The following FTO variants were observed in gnomAD, a reference collection of about 807,000 sequenced individuals.
FTO encodes alpha-ketoglutarate-dependent dioxygenase FTO.
In FTO, 47 loss-of-function variants were observed where a neutral mutation model predicts 63.9. The observed-to-expected ratio is 0.74, with a 90% CI of 0.58 to 0.94. FTO has a LOEUF of 0.94. Ranked by LOEUF, FTO falls within the 40% of genes least tolerant of loss-of-function variation. The probability of loss-of-function intolerance (pLI) is 0.00; values close to 1 mark genes in which losing one functional copy is unlikely to be tolerated. For synonymous variants in FTO, 207 were observed against 224.4 expected, an observed-to-expected ratio of 0.92 and a Z score of 0.69; for missense variants, 562 against 618.1, an observed-to-expected ratio of 0.91 and a Z score of 0.96.
At chr16:54,067,985 T>A (rs184522695) in intron 8 of FTO, among the ~76,000 whole-genome samples, 1 of 152,148 alleles carries the variant, frequency 6.6e-6, no homozygotes, top group Non-Finnish European at 1.5e-5. Flanking sequence ...TTTTTTTTTT[T>A]CTTCCTCCTC....
At chr16:53,925,196 A>G (rs1274899772) in intron 7 of FTO, among the ~76,000 whole-genome samples, 2 of 152,248 alleles carry the variant, frequency 1.3e-5, no homozygotes, top group African/African-American at 4.8e-5. Context: ...CCAGCTGATA[A>G]CATCTTAAAC....
chr16:53,893,674 AAG>A (rs2081209728), intron 7 of FTO, among the ~76,000 whole-genome samples: 1 of 149,980 alleles, frequency 6.7e-6, no homozygotes, highest in South Asian at 2.1e-4. Context: ...AAAAAAAAAA[AAG>A]GTCAATTTGG....
chr16:53,760,282 C>A (rs2077035103), intron 1 of FTO, among the ~76,000 whole-genome samples: 1 of 142,398 alleles, frequency 7.0e-6, no homozygotes, highest in African/African-American at 2.7e-5. Flanking sequence ...CAGGGTCTCA[C>A]TTTGTCACCC....
At chr16:53,950,774 GAGGACCTCATGTT>G (rs917869718) in intron 8 of FTO, among the ~76,000 whole-genome samples, 3 of 152,200 alleles carry the variant, frequency 2.0e-5, no homozygotes, top group Non-Finnish European at 2.9e-5. Flanking sequence ...GGGGAATTAT[GAGGACCTCATGTT>G]AGGACCTCAG....
At chr16:53,909,846 G>A (rs900705358) in intron 7 of FTO, among the ~76,000 whole-genome samples, 1 of 152,000 alleles carries the variant, frequency 6.6e-6, no homozygotes, top group Non-Finnish European at 1.5e-5. Context: ...TTACAGGTGT[G>A]AGCCACCACG....
intron 1 of FTO, among the ~76,000 whole-genome samples, chr16:53,732,041 A>ATT (rs375814669): frequency 8.3e-4 from 82 of 98,572 alleles, no homozygotes; most frequent in East Asian, 3.7e-3. Context: ...TTGTGGCCTT[A>ATT]TTTTTTTTTT....
At chr16:53,849,783 G>T (rs1399120771) in intron 4 of FTO, among the ~76,000 whole-genome samples, 1 of 152,184 alleles carries the variant, frequency 6.6e-6, no homozygotes, top group East Asian at 1.9e-4. Context: ...GTAGCCCTGT[G>T]AGCAGGAAGA....
intron 8 of FTO, among the ~76,000 whole-genome samples, chr16:53,963,961 C>T (rs370890121): frequency 1.3e-5 from 2 of 152,186 alleles, no homozygotes; most frequent in African/African-American, 4.8e-5. Flanking sequence ...CCATGTTGAC[C>T]AGGCTGGTCT....
chr16:53,835,667 G>T (rs914161017), intron 3 of FTO, among the ~76,000 whole-genome samples: 1 of 151,944 alleles, frequency 6.6e-6, no homozygotes, highest in African/African-American at 2.4e-5. Flanking sequence ...CTGTCATTGT[G>T]TAGGGCTTTC....
chr16:53,790,491 AG>A (rs1331379431), intron 1 of FTO, among the ~76,000 whole-genome samples: 1 of 146,866 alleles, frequency 6.8e-6, no homozygotes, highest in Admixed American at 6.9e-5. Context: ...CTGAGGCAGG[AG>A]GATTGCTTGA....
At chr16:53,806,968 C>T (rs180998511) in intron 1 of FTO, among the ~76,000 whole-genome samples, 269 of 152,270 alleles carry the variant, frequency 1.8e-3, no homozygotes, top group Admixed American at 3.6e-3. Flanking sequence ...ATAGTGACCT[C>T]GCTTTTCATA....
chr16:53,710,326 C>T (rs1441241773), intron 1 of FTO, among the ~76,000 whole-genome samples: 10 of 145,812 alleles, frequency 6.9e-5, no homozygotes, highest in South Asian at 2.2e-4. Flanking sequence ...AGTGCAGTGG[C>T]GCGATCTCAG....
chr16:53,859,983 A>C (rs2080123949), intron 4 of FTO, among the ~76,000 whole-genome samples: 1 of 152,250 alleles, frequency 6.6e-6, no homozygotes, highest in Admixed American at 6.5e-5. Flanking sequence ...AGATATCTTC[A>C]TTCCCATGTT....
At chr16:54,016,420 T>A (rs2084451748) in intron 8 of FTO, among the ~76,000 whole-genome samples, 1 of 152,200 alleles carries the variant, frequency 6.6e-6, no homozygotes, top group Non-Finnish European at 1.5e-5. Flanking sequence ...ACCCCTCATT[T>A]AGGCTGCTTT....
intron 8 of FTO, among the ~76,000 whole-genome samples, chr16:54,055,592 T>G (rs1277626093): frequency 6.6e-6 from 1 of 152,256 alleles, no homozygotes; most frequent in Non-Finnish European, 1.5e-5. Context: ...TTTGCATGTT[T>G]ACCTCTGATC....
intron 3 of FTO, among the ~76,000 whole-genome samples, chr16:53,835,611 T>C (rs1445050149): frequency 1.3e-5 from 2 of 152,182 alleles, no homozygotes; most frequent in Non-Finnish European, 2.9e-5. Context: ...TTGGATCTTT[T>C]TTTGAATGTT....
intron 8 of FTO, among the ~76,000 whole-genome samples, chr16:54,090,360 G>A (rs2086356102): frequency 6.6e-6 from 1 of 152,148 alleles, no homozygotes; most frequent in South Asian, 2.1e-4. Context: ...TAGATGATAG[G>A]TTACCAGGGG....
chr16:53,981,052 C>T (rs2083530892), intron 8 of FTO, among the ~76,000 whole-genome samples: 1 of 152,148 alleles, frequency 6.6e-6, no homozygotes, highest in East Asian at 1.9e-4. Flanking sequence ...TGCCTGGGAA[C>T]CTTGGCTCAC....
intron 8 of FTO, among the ~76,000 whole-genome samples, chr16:54,067,679 T>C (rs1403269083): frequency 6.6e-6 from 1 of 152,216 alleles, no homozygotes; most frequent in Non-Finnish European, 1.5e-5. Flanking sequence ...TAATGTTCCA[T>C]GTAGTATTTG....
Sources: gnomAD v4.1 joint callset for allele counts (sites outside exome capture counted in the v4.1 genomes callset) on GRCh38, gnomAD v4.1.1 for gene constraint, MANE v1.5 for transcripts, NCBI Gene and HGNC (gene_info 2026-07-23, HGNC 2026-07-21) for gene names.